Variants in WWOX observed in about 807,000 individuals in gnomAD.
WWOX encodes WW domain-containing oxidoreductase.
In WWOX, 69 loss-of-function variants were observed where a neutral mutation model predicts 46.2. The observed-to-expected ratio is 1.49, with a 90% CI of 1.23 to 1.82. The LOEUF (loss-of-function observed/expected upper bound fraction) is 1.82, where lower values mean the gene tolerates loss of function less well. WWOX is among the 40% of genes most tolerant of loss of function. The pLI is 0.00. For missense variants in WWOX, 919 were observed against 542.6 expected, an observed-to-expected ratio of 1.69 and a Z score of -6.89; for synonymous variants, 359 against 202.6, an observed-to-expected ratio of 1.77 and a Z score of -6.56.
At chr16:78,712,070 A>G (rs573900696) in intron 8 of WWOX, among the ~76,000 whole-genome samples, 4 of 152,294 alleles carry the variant, frequency 2.6e-5, no homozygotes, top group South Asian at 2.1e-4. Context: ...TATATTCATT[A>G]TAGATGTCTT....
At chr16:78,658,837 A>G (rs2738607) in intron 8 of WWOX, among the ~76,000 whole-genome samples, 97,607 of 151,162 alleles carry the variant, frequency 0.65, 32,082 homozygotes, top group Middle Eastern at 0.72. Flanking sequence ...CATGCCTGTA[A>G]TCCCAGAATT....
intron 8 of WWOX, among the ~76,000 whole-genome samples, chr16:78,532,477 T>G (rs914643745): frequency 2.0e-5 from 3 of 152,188 alleles, no homozygotes; most frequent in Non-Finnish European, 2.9e-5. Flanking sequence ...TTTTTAAGGA[T>G]TGATACTAGC....
chr16:78,555,286 C>T (rs1450722598), intron 8 of WWOX, among the ~76,000 whole-genome samples: 1 of 151,656 alleles, frequency 6.6e-6, no homozygotes, highest in Non-Finnish European at 1.5e-5. Context: ...CATTTTTCAA[C>T]CAAACTGAAA....
intron 8 of WWOX, among the ~76,000 whole-genome samples, chr16:78,893,814 C>T (rs1184957831): frequency 2.0e-5 from 3 of 152,068 alleles, no homozygotes; most frequent in Non-Finnish European, 2.9e-5. Flanking sequence ...ACTTTTGCTT[C>T]ACAGAGGTAA....
At chr16:78,284,912 G>C (rs1197845844) in intron 5 of WWOX, among the ~76,000 whole-genome samples, 1 of 152,120 alleles carries the variant, frequency 6.6e-6, no homozygotes, top group African/African-American at 2.4e-5. Context: ...GTTTTCTCAA[G>C]ATACATATTT....
intron 8 of WWOX, among the ~76,000 whole-genome samples, chr16:79,058,766 ATAT>A (rs1321351426): frequency 2.6e-5 from 4 of 152,334 alleles, no homozygotes; most frequent in Non-Finnish European, 5.9e-5. Context: ...TTCTACTAAA[ATAT>A]TATTTTATTC....
At chr16:78,487,771 T>G (rs1333991387) in intron 8 of WWOX, among the ~76,000 whole-genome samples, 2 of 152,148 alleles carry the variant, frequency 1.3e-5, no homozygotes, top group African/African-American at 4.8e-5. Context: ...AAACTAGTGT[T>G]CCAGAGCTAC....
chr16:78,570,443 G>C (rs1477561087), intron 8 of WWOX, among the ~76,000 whole-genome samples: 3 of 151,990 alleles, frequency 2.0e-5, no homozygotes, highest in Non-Finnish European at 4.4e-5. Flanking sequence ...CGAGTAGCTG[G>C]GATTACAGGC....
rs75629020 is a variant in WWOX, at chr16:79,139,446, A to G, written c.1057-72162A>G. 6.5e-3 allele frequency among the ~76,000 whole-genome samples: 996 copies of G among 152,206 alleles called. 12 individuals carry two copies. The highest frequency in any genetic ancestry group is 0.022 in the African/African-American group (911 of 41,520). The stretch of plus-strand genomic sequence containing the variant: ...GTTAATTTGACATCTAGTGCCAGAG[A>G]GCTGCTTTATATTTTTCAAGGCAAG... On this transcript the variant is annotated intron_variant, in intron 8 of 8. Coordinates refer to ENST00000566780, the MANE Select transcript of WWOX (RefSeq NM_016373.4).
chr16:78,914,705 C>T (rs929011662), intron 8 of WWOX, among the ~76,000 whole-genome samples: 7 of 151,362 alleles, frequency 4.6e-5, no homozygotes, highest in African/African-American at 1.5e-4. Flanking sequence ...CGGTGAAACC[C>T]CGTCTCTACT....
At chr16:79,008,466 C>T (rs1368672588) in intron 8 of WWOX, among the ~76,000 whole-genome samples, 1 of 152,160 alleles carries the variant, frequency 6.6e-6, no homozygotes, top group Non-Finnish European at 1.5e-5. Context: ...CAAATTATCC[C>T]ATCATATTCA....
intron 8 of WWOX, among the ~76,000 whole-genome samples, chr16:79,062,503 C>T (rs1192533001): frequency 1.3e-5 from 2 of 152,076 alleles, no homozygotes; most frequent in South Asian, 2.1e-4. Context: ...TGCGATTATC[C>T]CCTGCAGAGG....
chr16:79,102,487 C>T (rs879205094), intron 8 of WWOX, among the ~76,000 whole-genome samples: 1 of 152,150 alleles, frequency 6.6e-6, no homozygotes, highest in Non-Finnish European at 1.5e-5. Flanking sequence ...TGCTGTCTGT[C>T]GCATTTACCA....
intron 8 of WWOX, among the ~76,000 whole-genome samples, chr16:78,522,093 C>CT (rs2043360391): frequency 6.8e-6 from 1 of 147,590 alleles, no homozygotes; most frequent in African/African-American, 2.5e-5. Flanking sequence ...AGCCTGTGCT[C>CT]TTTTCATATA....
rs184885119 is a variant in WWOX, at chr16:78,887,200, A to G, written c.1057-324408A>G. On this transcript the variant is annotated intron_variant, in intron 8 of 8. Coordinates refer to ENST00000566780, the MANE Select transcript of WWOX (RefSeq NM_016373.4). ...CGTAAGTTAAACTGAACTAGACTGT[A>G]TGTCAAAAAAGAGTCTCAATGTCAA... Among the ~76,000 whole-genome samples, 795 of 150,988 alleles carry G rather than the reference A, an allele frequency of 5.3e-3. 4 individuals are homozygous for G. The highest frequency in any genetic ancestry group is 9.0e-3 in the Non-Finnish European group (613 of 67,810).
At chr16:78,141,415 C>G (rs1348835647) in intron 4 of WWOX, among the ~76,000 whole-genome samples, 3 of 148,820 alleles carry the variant, frequency 2.0e-5, no homozygotes, top group Non-Finnish European at 4.4e-5. Flanking sequence ...GGATGTCAAC[C>G]CCACCATCCC....
In WWOX at chr16:78,674,033, A is replaced by C. The variant is rs572491421; in HGVS notation, c.1056+241281A>C. 3.3e-5 allele frequency among the ~76,000 whole-genome samples: 5 copies of C among 152,110 alleles called. No homozygotes were observed. The South Asian group carries it at 1.0e-3, about 32-fold the overall frequency. ...GACCGCTTGAAATTTTGCCCCCAAG[A>C]CTTTTTGGATTCTCGATGGGAACCG... On this transcript the variant is annotated intron_variant, in intron 8 of 8. Coordinates refer to ENST00000566780, the MANE Select transcript of WWOX (RefSeq NM_016373.4).
chr16:78,604,007 G>C (rs553183182), intron 8 of WWOX, among the ~76,000 whole-genome samples: 2 of 152,114 alleles, frequency 1.3e-5, no homozygotes. Flanking sequence ...AGTTGGCCAT[G>C]GTGGCACACA....
chr16:78,528,445 TTA>T (rs975762804), intron 8 of WWOX, among the ~76,000 whole-genome samples: 3 of 152,014 alleles, frequency 2.0e-5, no homozygotes, highest in African/African-American at 7.2e-5. Context: ...AAGGTGCTAA[TTA>T]GGGTGTTTTG....
Sources: gnomAD v4.1 joint callset for allele counts (sites outside exome capture counted in the v4.1 genomes callset) on GRCh38, gnomAD v4.1.1 for gene constraint, MANE v1.5 for transcripts, NCBI Gene and HGNC (gene_info 2026-07-23, HGNC 2026-07-21) for gene names.